The following SUSD4 variants were observed in gnomAD, a reference collection of about 807,000 sequenced individuals.
SUSD4 encodes sushi domain containing 4.
SUSD4 carries 41 observed loss-of-function variants against 50.5 expected under a neutral mutation model. The ratio of observed to expected loss-of-function variants is 0.81; its 90% CI spans 0.63 to 1.05. The LOEUF is 1.05. Ranked by LOEUF, SUSD4 falls within the 50% of genes least tolerant of loss-of-function variation. The pLI, the probability that SUSD4 is intolerant of heterozygous loss-of-function variation, is 0.00. For synonymous variants in SUSD4, 257 were observed against 257.3 expected, an observed-to-expected ratio of 1.00 and a Z score of 0.01; for missense variants, 580 against 634.7, an observed-to-expected ratio of 0.91 and a Z score of 0.93.
At chr1:223,273,031 G>A (rs1663019709) in intron 3 of SUSD4, among the ~76,000 whole-genome samples, 1 of 152,162 alleles carries the variant, frequency 6.6e-6, no homozygotes, top group Non-Finnish European at 1.5e-5. Flanking sequence ...TTTAATTTGG[G>A]TAGATAGGAA....
At chr1:223,322,219 G>T (rs1472947811) in intron 2 of SUSD4, among the ~76,000 whole-genome samples, 1 of 152,160 alleles carries the variant, frequency 6.6e-6, no homozygotes, top group Non-Finnish European at 1.5e-5. Flanking sequence ...AGAGTCACAG[G>T]TACTGCTCAG....
intron 3 of SUSD4, among the ~76,000 whole-genome samples, chr1:223,278,549 G>A (rs1432700472): frequency 6.6e-6 from 1 of 152,202 alleles, no homozygotes; most frequent in Non-Finnish European, 1.5e-5. Context: ...GCTTGAGAAG[G>A]TAAACAAAGC....
rs558298235 is a variant in SUSD4 at position 223,298,504 on chromosome 1, G to A, written c.149-5853C>T. Among the ~76,000 whole-genome samples, 83 of 152,202 alleles carry A rather than the reference G, an allele frequency of 5.5e-4. 1 individual carries two copies. Among genetic ancestry groups the A allele is most frequent in the Admixed American group, 4.0e-3 (61 of 15,292 alleles). Reference sequence around the variant, plus strand: ...TGGGGGGCCAGAGGTAGGTCTACACGAGGGATTTGACTGAGACATCTAAGT... The same window carrying A: ...TGGGGGGCCAGAGGTAGGTCTACACAAGGGATTTGACTGAGACATCTAAGT... On this transcript the variant is annotated intron_variant, in intron 2 of 8. Transcript: ENST00000366878.
chr1:223,302,839 A>AG (rs2103184801), intron 2 of SUSD4, among the ~76,000 whole-genome samples: 2 of 152,332 alleles, frequency 1.3e-5, no homozygotes, highest in African/African-American at 4.8e-5. Context: ...TAGAAATAGC[A>AG]GGAGATACAG....
At chr1:223,356,420 T>G (rs942985631) in intron 2 of SUSD4, among the ~76,000 whole-genome samples, 2 of 152,000 alleles carry the variant, frequency 1.3e-5, no homozygotes, top group African/African-American at 4.8e-5. Flanking sequence ...TTTTCTTTTT[T>G]TTTTTTCAGT....
intron 5 of SUSD4, among the ~76,000 whole-genome samples, chr1:223,245,148 C>T (rs851209): frequency 0.037 from 5,553 of 151,972 alleles, 286 homozygotes; most frequent in East Asian, 0.11. Flanking sequence ...TTGATAGATA[C>T]TTTCAATATC....
At chr1:223,305,548 G>T (rs1349776029) in intron 2 of SUSD4, among the ~76,000 whole-genome samples, 1 of 152,148 alleles carries the variant, frequency 6.6e-6, no homozygotes, top group East Asian at 1.9e-4. Flanking sequence ...CCTTAATTCA[G>T]TGTATTGTCA....
intron 2 of SUSD4, among the ~76,000 whole-genome samples, chr1:223,350,614 C>T (rs1668305822): frequency 6.6e-6 from 1 of 152,230 alleles, no homozygotes; most frequent in Non-Finnish European, 1.5e-5. Flanking sequence ...AATAATAAAA[C>T]CCTTGGCTCA....
intron 3 of SUSD4, among the ~76,000 whole-genome samples, chr1:223,270,898 A>C (rs1255249415): frequency 1.3e-5 from 2 of 152,214 alleles, no homozygotes; most frequent in Non-Finnish European, 2.9e-5. Context: ...TTTAACAAAC[A>C]GTTTTCCTGC....
intron 2 of SUSD4, among the ~76,000 whole-genome samples, chr1:223,300,263 T>C (rs1200798904): frequency 6.6e-6 from 1 of 151,988 alleles, no homozygotes. Flanking sequence ...TCAGGAGGAG[T>C]ATTGTAATTT....
intron 4 of SUSD4, 55 bp downstream of exon 4, chr1:223,268,446 CA>C: frequency 6.4e-7 from 1 of 1,564,662 alleles, no homozygotes; most frequent in Admixed American, 1.8e-5. Context: ...ACACAGTCTA[CA>C]ATAAAGTCCG....
At chr1:223,312,099 T>A (rs2103216119) in intron 2 of SUSD4, among the ~76,000 whole-genome samples, 1 of 152,320 alleles carries the variant, frequency 6.6e-6, no homozygotes, top group South Asian at 2.1e-4. Context: ...CATGAATGGT[T>A]CTCAAAATAT....
chr1:223,363,766 GA>G, intron 1 of SUSD4: 1 of 249,142 alleles, frequency 4.0e-6, no homozygotes, highest in Admixed American at 5.1e-5. Context: ...CCCACCACAG[GA>G]AAGTCTAGAG....
chr1:223,321,503 C>G (rs1363245689), intron 2 of SUSD4, among the ~76,000 whole-genome samples: 1 of 152,242 alleles, frequency 6.6e-6, no homozygotes, highest in Non-Finnish European at 1.5e-5. Flanking sequence ...TCTTCACCAT[C>G]ACCCAGTGCC....
At chr1:223,321,767 G>T in intron 2 of SUSD4, among the ~76,000 whole-genome samples, 1 of 152,322 alleles carries the variant, frequency 6.6e-6, no homozygotes, top group African/African-American at 2.4e-5. Flanking sequence ...ATAGTATTAT[G>T]AAGGAAACTG....
intron 5 of SUSD4, among the ~76,000 whole-genome samples, chr1:223,259,558 C>G (rs1332944831): frequency 6.6e-6 from 1 of 152,228 alleles, no homozygotes; most frequent in African/African-American, 2.4e-5. Context: ...ATACCCAGCA[C>G]CTCTGTGCTG....
chr1:223,364,268 GCCGCGCGCCCCCGCGGAGGCGC>G (rs1306704938), upstream of SUSD4: 4 of 148,330 alleles, frequency 2.7e-5, no homozygotes, highest in African/African-American at 9.8e-5. This position sits in a 1 kb window ranked among gnomAD's most constrained non-coding sequence, Gnocchi z 4.5. Flanking sequence ...CGGGAGCCCG[GCCGCGCGCCCCCGCGGAGGCGC>G]CCGCGCGCCC....
chr1:223,339,218 G>C (rs921667494), intron 2 of SUSD4, among the ~76,000 whole-genome samples: 1 of 152,190 alleles, frequency 6.6e-6, no homozygotes, highest in African/African-American at 2.4e-5. Context: ...TGGTGTTTGC[G>C]TGTCTCTGAA....
At chr1:223,353,818 T>C (rs527644439) in intron 2 of SUSD4, among the ~76,000 whole-genome samples, 7 of 152,076 alleles carry the variant, frequency 4.6e-5, no homozygotes, top group African/African-American at 1.7e-4. Context: ...CTGCTCAATG[T>C]CCCTAGGAAG....
Sources: gnomAD v4.1 joint callset for allele counts (sites outside exome capture counted in the v4.1 genomes callset) on GRCh38, gnomAD v4.1.1 for gene constraint, Gnocchi (gnomAD v3.1) non-coding constraint, MANE v1.5 for transcripts, NCBI Gene and HGNC (gene_info 2026-07-23, HGNC 2026-07-21) for gene names.